The following XIRP2 variants were observed in gnomAD, a reference collection of about 807,000 sequenced individuals.
The protein encoded by XIRP2 is xin actin binding repeat containing 2, also known as xin actin-binding repeat-containing protein 2.
Under a neutral mutation model 277.0 loss-of-function variants are expected in XIRP2, and 236 were observed. The observed-to-expected ratio is 0.85, with a 90% CI of 0.77 to 0.95. XIRP2 has a LOEUF of 0.95. XIRP2 is among the 40% of genes least tolerant of loss of function. The pLI, the probability that XIRP2 is intolerant of heterozygous loss-of-function variation, is 0.00. For missense variants in XIRP2, 4,640 were observed against 4,157.5 expected, an observed-to-expected ratio of 1.12 and a Z score of -3.19; for synonymous variants, 1,490 against 1,416.5, an observed-to-expected ratio of 1.05 and a Z score of -1.17.
intron 2 of XIRP2, among the ~76,000 whole-genome samples, chr2:167,116,061 C>T (rs1690888573): frequency 6.6e-6 from 1 of 152,098 alleles, no homozygotes; most frequent in South Asian, 2.1e-4. Context: ...AGAATATGGT[C>T]TATCTTGGTA....
At chr2:167,190,849 A>C (rs1693308163) in intron 3 of XIRP2, among the ~76,000 whole-genome samples, 1 of 152,172 alleles carries the variant, frequency 6.6e-6, no homozygotes, top group South Asian at 2.1e-4. Flanking sequence ...ACCAGTGAGC[A>C]CCACAGAAGG....
At chr2:167,097,971 G>C (rs1311306648) in intron 2 of XIRP2, among the ~76,000 whole-genome samples, 1 of 152,180 alleles carries the variant, frequency 6.6e-6, no homozygotes, top group South Asian at 2.1e-4. Flanking sequence ...TTCTCTGGCT[G>C]CCCTTAACAT....
At chr2:167,031,784 C>T (rs1168553049) in intron 2 of XIRP2, among the ~76,000 whole-genome samples, 5 of 152,078 alleles carry the variant, frequency 3.3e-5, no homozygotes, top group African/African-American at 1.2e-4. Flanking sequence ...CTAGAAACCA[C>T]TGCTCAATGA....
At chr2:167,191,161 G>A (rs192470993) in intron 3 of XIRP2, among the ~76,000 whole-genome samples, 93 of 149,176 alleles carry the variant, frequency 6.2e-4, no homozygotes, top group African/African-American at 1.9e-3. Context: ...ACTCCAGCCC[G>A]GGTGACAGAG....
At chr2:166,913,923 AC>A (rs1684788471) in intron 2 of XIRP2, among the ~76,000 whole-genome samples, 1 of 152,166 alleles carries the variant, frequency 6.6e-6, no homozygotes, top group Non-Finnish European at 1.5e-5. Flanking sequence ...GTAAGTGACT[AC>A]TCTGGTGATA....
intron 2 of XIRP2, among the ~76,000 whole-genome samples, chr2:166,923,239 T>C (rs1252761670): frequency 6.6e-6 from 1 of 152,048 alleles, no homozygotes; most frequent in Non-Finnish European, 1.5e-5. Context: ...TTACAATGAG[T>C]GTACTATAAA....
intron 3 of XIRP2, among the ~76,000 whole-genome samples, chr2:167,147,795 C>A (rs1306653817): frequency 2.0e-5 from 3 of 152,212 alleles, no homozygotes; most frequent in African/African-American, 4.8e-5. Flanking sequence ...AATAACGGCT[C>A]TTCCGAGTTC....
In XIRP2 at chr2:167,243,239, A is replaced by G; in HGVS notation, c.1847A>G (p.Tyr616Cys). Residue 616 changes from tyrosine (Y) to cysteine (C), a missense_variant, in exon 9 of 11, where the codon TAT (tyrosine) becomes TGT (cysteine). Physicochemically the swap from Tyr to Cys is radical, Grantham distance 194. Transcript: ENST00000409195. ...ATCATTGCTGGTGGTGATGTGAAATATACCACATGGATGTTTGAAACCCAA... is the reference window on the plus strand; with the variant it reads ...ATCATTGCTGGTGGTGATGTGAAATGTACCACATGGATGTTTGAAACCCAA... ...QEIIAGGDVK[Y>C]TTWMFETQPI... The G allele has an allele frequency of 6.2e-7, 1 of 1,614,144 alleles. No individual in the cohort carries two copies. Among genetic ancestry groups the G allele is most frequent in the Non-Finnish European group, 8.5e-7 (1 of 1,180,018 alleles).
At chr2:167,030,566 G>A (rs1427812760) in intron 2 of XIRP2, among the ~76,000 whole-genome samples, 1 of 152,138 alleles carries the variant, frequency 6.6e-6, no homozygotes, top group Admixed American at 6.6e-5. Flanking sequence ...TGATTGCACT[G>A]TGGTCTGAGA....
chr2:166,913,503 G>T (rs768943491), intron 2 of XIRP2, among the ~76,000 whole-genome samples: 10 of 152,156 alleles, frequency 6.6e-5, no homozygotes, highest in Non-Finnish European at 1.3e-4. Flanking sequence ...CTGTAGACTG[G>T]AGCTGTTCCT....
chr2:167,101,365 G>T (rs1007355326), intron 2 of XIRP2, among the ~76,000 whole-genome samples: 1 of 152,146 alleles, frequency 6.6e-6, no homozygotes, highest in Non-Finnish European at 1.5e-5. Flanking sequence ...GGTGGTGTTT[G>T]GTTGCATGAG....
chr2:166,925,074 A>AAC (rs1685146417), intron 2 of XIRP2, among the ~76,000 whole-genome samples: 1 of 152,016 alleles, frequency 6.6e-6, no homozygotes, highest in Non-Finnish European at 1.5e-5. Context: ...TCTGTGTTAA[A>AAC]AGTATTTCAG....
intron 2 of XIRP2, among the ~76,000 whole-genome samples, chr2:166,909,922 T>C (rs1684650893): frequency 6.6e-6 from 1 of 152,238 alleles, no homozygotes; most frequent in African/African-American, 2.4e-5. Context: ...ATTTACTGAT[T>C]TGCGTATGTT....
chr2:166,896,198 C>A (rs1252590807), intron 1 of XIRP2, among the ~76,000 whole-genome samples: 1 of 152,022 alleles, frequency 6.6e-6, no homozygotes, highest in Non-Finnish European at 1.5e-5. Flanking sequence ...ATTTACTATA[C>A]CATGTTTTTA....
intron 2 of XIRP2, among the ~76,000 whole-genome samples, chr2:167,040,277 T>C (rs940396861): frequency 6.6e-6 from 1 of 150,538 alleles, no homozygotes; most frequent in African/African-American, 2.4e-5. Context: ...AAAGAAGGCA[T>C]TGAGTGTAAA....
rs187416691 is a variant in XIRP2 at position 167,087,233 on chromosome 2, A to G, written c.409-48676A>G. Among the ~76,000 whole-genome samples, 11 of 152,142 alleles carry G rather than the reference A, an allele frequency of 7.2e-5. No homozygotes were observed. In the East Asian group the frequency reaches 9.7e-4, roughly 13 times the overall value. On this transcript the variant is annotated intron_variant, in intron 2 of 10. Coordinates refer to ENST00000409195, the MANE Select transcript of XIRP2 (RefSeq NM_152381.6). ...GGTGTCAGTGTACCCCTGCTGGGGGATGCCTCCCAGTTAGGCTGCTCGGAG... is the reference window on the plus strand; with the variant it reads ...GGTGTCAGTGTACCCCTGCTGGGGGGTGCCTCCCAGTTAGGCTGCTCGGAG...
At chr2:167,108,278 T>C (rs1484373218) in intron 2 of XIRP2, among the ~76,000 whole-genome samples, 1 of 152,014 alleles carries the variant, frequency 6.6e-6, no homozygotes, top group Admixed American at 6.6e-5. Context: ...ATTTTATTGA[T>C]CTTTACAATG....
rs577049168 is a variant in XIRP2, at chr2:167,210,023, GTAGA to G, written c.563-710_563-707del. Among the ~76,000 whole-genome samples, 170 of 152,066 alleles carry G rather than the reference GTAGA, an allele frequency of 1.1e-3. 1 individual carries two copies. The highest frequency in any genetic ancestry group is 1.7e-3 in the Non-Finnish European group (116 of 67,958). On this transcript the variant is annotated intron_variant, in intron 3 of 10. Transcript: ENST00000409195. Reference sequence around the variant, plus strand: ...TCCTCCTACCCTGCCTTTTTGCCAAGTAGATGGCTTCATGGGTAAATATCAGGCT... The same window carrying G: ...TCCTCCTACCCTGCCTTTTTGCCAAGTGGCTTCATGGGTAAATATCAGGCT...
At chr2:167,257,780 T>C in intron 10 of XIRP2, 77 bp from the exon 11 acceptor site, 2 of 1,431,732 alleles carry the variant, frequency 1.4e-6, no homozygotes, top group East Asian at 4.6e-5. Flanking sequence ...CTGTAACTCA[T>C]TGAAATAATT....
Sources: gnomAD v4.1 joint callset for allele counts (sites outside exome capture counted in the v4.1 genomes callset) on GRCh38, gnomAD v4.1.1 for gene constraint, MANE v1.5 for transcripts, NCBI Gene and HGNC (gene_info 2026-07-23, HGNC 2026-07-21) for gene names.